Variants in PARD3 observed in about 807,000 individuals in gnomAD.
PARD3 encodes the protein par-3 family cell polarity regulator.
PARD3 carries 75 observed loss-of-function variants against 155.4 expected under a neutral mutation model. The observed-to-expected ratio is 0.48, with a 90% confidence interval of 0.40 to 0.58. PARD3 has a LOEUF of 0.58. Among genes scored for constraint, PARD3 ranks in the 20% least tolerant of loss-of-function variants. The pLI, the probability that PARD3 is intolerant of heterozygous loss-of-function variation, is 0.00. For missense variants in PARD3, 1,642 were observed against 1,721.7 expected, an observed-to-expected ratio of 0.95 and a Z score of 0.82; for synonymous variants, 576 against 610.5, an observed-to-expected ratio of 0.94 and a Z score of 0.83.
chr10:34,514,602 T>C (rs943615156), intron 3 of PARD3, among the ~76,000 whole-genome samples: 1 of 152,200 alleles, frequency 6.6e-6, no homozygotes, highest in Non-Finnish European at 1.5e-5. Context: ...CATACCAAAA[T>C]GAGAACAAGA....
At chr10:34,121,448 A>C (rs1198567588) in intron 23 of PARD3, among the ~76,000 whole-genome samples, 1 of 152,218 alleles carries the variant, frequency 6.6e-6, no homozygotes, top group Non-Finnish European at 1.5e-5. Flanking sequence ...TGTTTGAAAC[A>C]AGTTATTGAT....
intron 5 of PARD3, among the ~76,000 whole-genome samples, chr10:34,409,049 C>T (rs1044074852): frequency 6.6e-6 from 1 of 151,940 alleles, no homozygotes; most frequent in Non-Finnish European, 1.5e-5. Context: ...TGTATATAAG[C>T]GCCATCCCCT....
At chr10:34,442,887 G>GA (rs2076540244) in intron 5 of PARD3, among the ~76,000 whole-genome samples, 1 of 151,840 alleles carries the variant, frequency 6.6e-6, no homozygotes, top group Non-Finnish European at 1.5e-5. Context: ...GATTAAAACA[G>GA]AAAAAAGATA....
At chr10:34,768,709 AG>A (rs1481286846) in intron 1 of PARD3, among the ~76,000 whole-genome samples, 1 of 152,360 alleles carries the variant, frequency 6.6e-6, no homozygotes, top group East Asian at 1.9e-4. Context: ...GAAAAAGAGA[AG>A]GGAAAACTTA....
chr10:34,449,756 C>G (rs537168363), intron 5 of PARD3, among the ~76,000 whole-genome samples: 2 of 152,260 alleles, frequency 1.3e-5, no homozygotes, highest in African/African-American at 4.8e-5. Context: ...TCTGATTTCA[C>G]GAATTGTAGG....
chr10:34,253,823 C>T (rs377109638), intron 22 of PARD3, among the ~76,000 whole-genome samples: 1 of 152,098 alleles, frequency 6.6e-6, no homozygotes, highest in Non-Finnish European at 1.5e-5. Context: ...TAACTAGGTC[C>T]CCTGTCTGTC....
At chr10:34,733,687 G>C (rs1245023034) in intron 1 of PARD3, among the ~76,000 whole-genome samples, 3 of 152,082 alleles carry the variant, frequency 2.0e-5, no homozygotes. Flanking sequence ...TTTGAGATCT[G>C]TGGGGTTTCC....
intron 1 of PARD3, among the ~76,000 whole-genome samples, chr10:34,710,343 A>G (rs1299059742): frequency 6.6e-6 from 1 of 152,212 alleles, no homozygotes; most frequent in Admixed American, 6.5e-5. Context: ...GCTTGTCTAT[A>G]TTTCCTGGCA....
At chr10:34,662,764 C>A (rs1026912729) in intron 2 of PARD3, among the ~76,000 whole-genome samples, 1 of 151,586 alleles carries the variant, frequency 6.6e-6, no homozygotes, top group Admixed American at 6.6e-5. Flanking sequence ...TCCAGCTACT[C>A]GGGAGGCTGG....
intron 2 of PARD3, among the ~76,000 whole-genome samples, chr10:34,574,676 A>T (rs1338947168): frequency 6.6e-6 from 1 of 152,114 alleles, no homozygotes; most frequent in Non-Finnish European, 1.5e-5. Flanking sequence ...TTAAAGTATG[A>T]CTCAAGTATT....
intron 20 of PARD3, among the ~76,000 whole-genome samples, chr10:34,289,393 T>G (rs1956564518): frequency 6.6e-6 from 1 of 152,088 alleles, no homozygotes; most frequent in Non-Finnish European, 1.5e-5. Flanking sequence ...TTTCGCCATG[T>G]TGGCCAGGCT....
At chr10:34,803,223 A>C (rs962015586) in intron 1 of PARD3, among the ~76,000 whole-genome samples, 1 of 148,478 alleles carries the variant, frequency 6.7e-6, no homozygotes, top group Non-Finnish European at 1.5e-5. Flanking sequence ...TGGGCAACAG[A>C]GTGAGACTCC....
rs371782322 is a variant in PARD3, at chr10:34,276,774, C to T, written c.3177-6875G>A. Among the ~76,000 whole-genome samples the T allele has an allele frequency of 3.3e-5, 5 of 152,056 alleles. No homozygotes were observed. In the East Asian group the frequency reaches 9.6e-4, roughly 29 times the overall value. On this transcript the variant is annotated intron_variant, in intron 21 of 24. Transcript: ENST00000374788. ...CTTGGGATGCAAAACCAGTGGTGTC[C>T]TTAAACCTCTCAGTTACATACCAAA... is the stretch of plus-strand genomic sequence containing the variant.
chr10:34,163,500 AAGAG>A (rs759942097), intron 22 of PARD3, among the ~76,000 whole-genome samples: 8 of 152,202 alleles, frequency 5.3e-5, no homozygotes, highest in Non-Finnish European at 8.8e-5. Context: ...ACCACGGAAA[AAGAG>A]AGAAGAGTGG....
At chr10:34,587,250 G>A (rs997546767) in intron 2 of PARD3, among the ~76,000 whole-genome samples, 3 of 152,054 alleles carry the variant, frequency 2.0e-5, no homozygotes, top group Non-Finnish European at 4.4e-5. Flanking sequence ...AGCCTCCTGT[G>A]TGGCTGGGAT....
At chr10:34,328,828 G>A (rs927063125) in intron 19 of PARD3, among the ~76,000 whole-genome samples, 3 of 152,142 alleles carry the variant, frequency 2.0e-5, no homozygotes, top group East Asian at 1.9e-4. Flanking sequence ...ACCAAAATTG[G>A]AAAAGTTTGG....
At chr10:34,458,763 G>A (rs2077467983) in intron 4 of PARD3, among the ~76,000 whole-genome samples, 1 of 152,168 alleles carries the variant, frequency 6.6e-6, no homozygotes, top group Admixed American at 6.5e-5. Context: ...TAGACTCTGA[G>A]GAACTGAAGG....
At chr10:34,241,689 A>C (rs1953606809) in intron 22 of PARD3, among the ~76,000 whole-genome samples, 1 of 152,062 alleles carries the variant, frequency 6.6e-6, no homozygotes, top group Non-Finnish European at 1.5e-5. Flanking sequence ...CCACAGATGC[A>C]CTCCAGGGTA....
intron 22 of PARD3, among the ~76,000 whole-genome samples, chr10:34,259,567 C>T (rs573194512): frequency 1.3e-5 from 2 of 152,292 alleles, no homozygotes; most frequent in African/African-American, 4.8e-5. Flanking sequence ...CCAGGAAAAC[C>T]TCCCCATTTG....
Sources: allele counts gnomAD v4.1 joint callset (sites outside exome capture counted in the v4.1 genomes callset), GRCh38; gene constraint gnomAD v4.1.1; transcripts MANE v1.5; gene names NCBI Gene and HGNC (gene_info 2026-07-23, HGNC 2026-07-21).